Variants in PRKCA observed in about 807,000 individuals in gnomAD.
PRKCA encodes protein kinase C alpha.
PRKCA carries 27 observed loss-of-function variants against 87.0 expected under a neutral mutation model. The ratio of observed to expected loss-of-function variants is 0.31; its 90% CI spans 0.23 to 0.43. The LOEUF is 0.43. Among genes scored for constraint, PRKCA ranks in the 20% least tolerant of loss-of-function variants. The pLI, the probability that PRKCA is intolerant of heterozygous loss-of-function variation, is 1.00. For synonymous variants in PRKCA, 329 were observed against 311.1 expected, an observed-to-expected ratio of 1.06 and a Z score of -0.61; for missense variants, 518 against 852.3, an observed-to-expected ratio of 0.61 and a Z score of 4.88.
chr17:66,646,071 T>C (rs1292612977), intron 5 of PRKCA, among the ~76,000 whole-genome samples: 1 of 152,196 alleles, frequency 6.6e-6, no homozygotes, highest in East Asian at 1.9e-4. Context: ...AAAAGGAAAC[T>C]GAGGCACAGA....
At chr17:66,768,251 T>TC (rs993943710) in intron 13 of PRKCA, among the ~76,000 whole-genome samples, 2 of 138,314 alleles carry the variant, frequency 1.4e-5, no homozygotes, top group Non-Finnish European at 3.1e-5. Context: ...GCCATTTTTT[T>TC]TTTTTTTTTT....
At chr17:66,380,530 A>G (rs1158779208) in intron 2 of PRKCA, among the ~76,000 whole-genome samples, 3 of 152,204 alleles carry the variant, frequency 2.0e-5, no homozygotes, top group African/African-American at 4.8e-5. Context: ...TGCTATTTCC[A>G]GTACATTTTA....
intron 13 of PRKCA, among the ~76,000 whole-genome samples, chr17:66,772,677 A>G (rs1974962685): frequency 6.6e-6 from 1 of 152,128 alleles, no homozygotes; most frequent in Non-Finnish European, 1.5e-5. Context: ...CAGTGTTTTA[A>G]TAAGCCCTGC....
intron 2 of PRKCA, among the ~76,000 whole-genome samples, chr17:66,364,703 G>T (rs1294990525): frequency 6.6e-6 from 1 of 152,092 alleles, no homozygotes; most frequent in African/African-American, 2.4e-5. Flanking sequence ...CCTGATTTGG[G>T]GTTTCCAGTT....
Position 66,803,334 on chromosome 17 carries a change from C to T in PRKCA, c.1855-539C>T, listed in dbSNP as rs567655330. On this transcript the variant is annotated intron_variant, in intron 16 of 16. Transcript: ENST00000413366. This position sits in a 1 kb window ranked among gnomAD's most constrained non-coding sequence, Gnocchi z 4.4. ...TTGCCGCCACACCTACCTCATATCG[C>T]TTGAAGCTTAATTTAGGGGCTGGGG... Among the ~76,000 whole-genome samples the T allele has an allele frequency of 6.6e-6, 1 of 152,352 alleles. No homozygotes were observed. The highest frequency in any genetic ancestry group is 2.4e-5 in the African/African-American group (1 of 41,594).
intron 3 of PRKCA, among the ~76,000 whole-genome samples, chr17:66,602,440 G>C (rs1233782622): frequency 1.3e-5 from 2 of 149,876 alleles, no homozygotes; most frequent in Non-Finnish European, 3.0e-5. Context: ...CGCACGGTGC[G>C]CACACCCACT....
chr17:66,623,182 T>C (rs1006703164), intron 3 of PRKCA, among the ~76,000 whole-genome samples: 2 of 152,364 alleles, frequency 1.3e-5, no homozygotes, highest in Admixed American at 1.3e-4. Flanking sequence ...AATTCACAAA[T>C]GTAATCAGAT....
At chr17:66,754,027 T>C (rs1006355856) in intron 13 of PRKCA, among the ~76,000 whole-genome samples, 4 of 152,028 alleles carry the variant, frequency 2.6e-5, no homozygotes, top group Admixed American at 6.6e-5. Flanking sequence ...GTCTGTTGGC[T>C]TGATTTGTAA....
intron 3 of PRKCA, among the ~76,000 whole-genome samples, chr17:66,564,110 G>A (rs141479885): frequency 6.7e-6 from 1 of 149,080 alleles, no homozygotes; most frequent in African/African-American, 2.5e-5. Flanking sequence ...ACAGAGTCTC[G>A]CTCTGTTGCC....
intron 3 of PRKCA, among the ~76,000 whole-genome samples, chr17:66,507,995 G>A (rs1047281539): frequency 2.0e-5 from 3 of 152,188 alleles, no homozygotes; most frequent in African/African-American, 7.2e-5. Flanking sequence ...TATTCTAGCT[G>A]TCATTATAAC....
At chr17:66,789,361 TC>T (rs1243791585) in intron 16 of PRKCA, among the ~76,000 whole-genome samples, 3 of 152,198 alleles carry the variant, frequency 2.0e-5, no homozygotes, top group African/African-American at 7.2e-5. Flanking sequence ...CGTGTCTGTC[TC>T]TGGTTTTCCT....
At chr17:66,384,685 G>A (rs988028586) in intron 2 of PRKCA, among the ~76,000 whole-genome samples, 5 of 151,910 alleles carry the variant, frequency 3.3e-5, no homozygotes, top group African/African-American at 4.8e-5. Flanking sequence ...CTGGAGTGTA[G>A]TGGTGCCATC....
chr17:66,580,600 G>T (rs987461907), intron 3 of PRKCA, among the ~76,000 whole-genome samples: 31 of 152,184 alleles, frequency 2.0e-4, no homozygotes, highest in Non-Finnish European at 4.0e-4. Context: ...ACATAAGAAA[G>T]TTGTCCGTGT....
intron 2 of PRKCA, among the ~76,000 whole-genome samples, chr17:66,385,296 G>T (rs541240404): frequency 6.6e-6 from 1 of 152,298 alleles, no homozygotes; most frequent in African/African-American, 2.4e-5. Context: ...AAATTGCTCT[G>T]ATGGTTTTGT....
chr17:66,755,239 C>T (rs896941885), intron 13 of PRKCA, among the ~76,000 whole-genome samples: 3 of 152,224 alleles, frequency 2.0e-5, no homozygotes, highest in South Asian at 2.1e-4. Context: ...TCGCACCCCA[C>T]GCCCCCCCAG....
chr17:66,500,856 C>T (rs781242706), intron 3 of PRKCA, among the ~76,000 whole-genome samples: 5 of 151,934 alleles, frequency 3.3e-5, no homozygotes, highest in Non-Finnish European at 4.4e-5. Context: ...CTGGCAGGCT[C>T]AGTGAGGAAG....
chr17:66,681,490 A>G (rs1972491500), intron 5 of PRKCA, among the ~76,000 whole-genome samples: 1 of 152,106 alleles, frequency 6.6e-6, no homozygotes, highest in Non-Finnish European at 1.5e-5. Context: ...AAGATAGCAA[A>G]TGCTTCTTTA....
rs61762396 is a variant in PRKCA at position 66,641,453 on chromosome 17, G to A, written c.387G>A (p.Gly129=). 9.3e-4 allele frequency: 1,487 copies of A among 1,606,612 alleles called. 15 individuals carry two copies. In the African/African-American group the frequency reaches 0.017, roughly 18 times the overall value. The change falls in exon 4 of 17, where the codon GGG becomes GGA. Residue 129 remains glycine (G), a synonymous_variant. Coordinates refer to ENST00000413366, the MANE Select transcript of PRKCA (RefSeq NM_002737.3). The stretch of plus-strand genomic sequence containing the variant: ...TGCTCTATGGACTTATCCATCAAGG[G>A]ATGAAATGTGACAGTAAGTAAGTTT... ...GSLLYGLIHQ[G]MKCDTCDMNV... is the part of the protein sequence containing the mutation.
intron 5 of PRKCA, among the ~76,000 whole-genome samples, chr17:66,661,667 A>G (rs773996163): frequency 2.1e-4 from 32 of 152,216 alleles, no homozygotes; most frequent in Non-Finnish European, 3.8e-4. Context: ...CAGTGCATTA[A>G]TCACCCTTTT....
Sources: gnomAD v4.1 joint callset for allele counts (sites outside exome capture counted in the v4.1 genomes callset) on GRCh38, gnomAD v4.1.1 for gene constraint, Gnocchi (gnomAD v3.1) non-coding constraint, MANE v1.5 for transcripts, NCBI Gene and HGNC (gene_info 2026-07-23, HGNC 2026-07-21) for gene names.